ATRNL1: variants seen among roughly 807,000 people sequenced by gnomAD.
ATRNL1 encodes attractin like 1.
A neutral mutation model predicts 182.7 loss-of-function variants in ATRNL1; 95 were observed. That is an observed-to-expected ratio of 0.52 (90% CI 0.44 to 0.62). ATRNL1 has a LOEUF of 0.62. ATRNL1 is among the 20% of genes least tolerant of loss of function. The pLI is 0.00. For synonymous variants in ATRNL1, 576 were observed against 568.3 expected, an observed-to-expected ratio of 1.01 and a Z score of -0.19; for missense variants, 1,471 against 1,679.5, an observed-to-expected ratio of 0.88 and a Z score of 2.17.
At chr10:115,544,504 T>A (rs985839140) in intron 25 of ATRNL1, among the ~76,000 whole-genome samples, 22 of 152,246 alleles carry the variant, frequency 1.4e-4, no homozygotes, top group African/African-American at 5.3e-4. Context: ...GGGGCAGGCT[T>A]GTCACATGGC....
intron 14 of ATRNL1, among the ~76,000 whole-genome samples, chr10:115,283,464 A>G (rs1192863834): frequency 6.6e-6 from 1 of 152,136 alleles, no homozygotes; most frequent in Non-Finnish European, 1.5e-5. Flanking sequence ...AATGTCATTC[A>G]TACTTTGAAT....
At chr10:115,515,890 T>C (rs528544828) in intron 24 of ATRNL1, among the ~76,000 whole-genome samples, 23 of 152,040 alleles carry the variant, frequency 1.5e-4, no homozygotes, top group African/African-American at 5.3e-4. Context: ...TTCTGTTCTT[T>C]GATCATCTTG....
chr10:115,401,031 T>C (rs1844540030), intron 20 of ATRNL1, among the ~76,000 whole-genome samples: 1 of 152,052 alleles, frequency 6.6e-6, no homozygotes, highest in Admixed American at 6.6e-5. Context: ...TAACTAAATG[T>C]ATTTTGGTTG....
chr10:115,403,257 C>T (rs370605571), intron 20 of ATRNL1, among the ~76,000 whole-genome samples: 36 of 107,414 alleles, frequency 3.4e-4, no homozygotes, highest in African/African-American at 9.3e-4. Context: ...TTACTCTCAT[C>T]TTTTTTTTTT....
intron 21 of ATRNL1, among the ~76,000 whole-genome samples, chr10:115,432,394 A>C (rs549430820): frequency 6.6e-6 from 1 of 152,146 alleles, no homozygotes; most frequent in East Asian, 1.9e-4. Context: ...ATGGTAAAGC[A>C]CTAGGTGGCA....
At chr10:115,418,103 G>C (rs1554961222) in intron 20 of ATRNL1, among the ~76,000 whole-genome samples, 1 of 152,174 alleles carries the variant, frequency 6.6e-6, no homozygotes, top group African/African-American at 2.4e-5. Flanking sequence ...AGGTGATGGA[G>C]ACATGTGGTC....
In ATRNL1 at chr10:115,583,358, G is replaced by A. The variant is rs1442220301; in HGVS notation, c.3795+33822G>A. On this transcript the variant is annotated intron_variant, in intron 26 of 28. Transcript: ENST00000355044. The stretch of plus-strand genomic sequence containing the variant: ...CCTTGGGCAGTATGGCCATTTTCAC[G>A]ATATTGATTCTTCCTACCCATGAGC... Among the ~76,000 whole-genome samples the A allele has an allele frequency of 8.2e-5, 9 of 109,270 alleles. 3 individuals are homozygous for A. The highest frequency in any genetic ancestry group is 2.5e-4 in the African/African-American group (9 of 35,736). The allele number at this position is 109,270 out of a possible 152,430, so 71.7% of individuals were successfully genotyped here.
chr10:115,161,492 G>A lies in ATRNL1; in HGVS notation c.1004+1278G>A, dbSNP rs7893988. 4.6e-3 allele frequency among the ~76,000 whole-genome samples: 696 copies of A among 151,958 alleles called. 5 individuals carry two copies. The highest frequency in any genetic ancestry group is 0.015 in the South Asian group (73 of 4,818). ...ATGAGAAGTCTATGAAAGTAGAGTCGAACTTTGAATTAAATTGTGATATTT... is the reference window on the plus strand; with the variant it reads ...ATGAGAAGTCTATGAAAGTAGAGTCAAACTTTGAATTAAATTGTGATATTT... On this transcript the variant is annotated intron_variant, in intron 6 of 28. Transcript: ENST00000355044.
At chr10:115,322,896 T>C (rs1854654590) in intron 18 of ATRNL1, among the ~76,000 whole-genome samples, 1 of 152,112 alleles carries the variant, frequency 6.6e-6, no homozygotes, top group Non-Finnish European at 1.5e-5. Flanking sequence ...ATTTTATCTC[T>C]TTCTTCTTTC....
chr10:115,446,482 C>G (rs2134465593), intron 21 of ATRNL1, among the ~76,000 whole-genome samples: 1 of 150,302 alleles, frequency 6.7e-6, no homozygotes, highest in East Asian at 1.9e-4. Flanking sequence ...ATTTTATTTT[C>G]TCTTGACATG....
At chr10:115,177,924 G>GTTTTTTTTTTTTTTT (rs587742941) in intron 8 of ATRNL1, among the ~76,000 whole-genome samples, 2 of 81,764 alleles carry the variant, frequency 2.4e-5, no homozygotes, top group Non-Finnish European at 4.5e-5. Flanking sequence ...TTTTTTTTTT[G>GTTTTTTTTTTTTTTT]TTTTTTTTTT....
intron 7 of ATRNL1, among the ~76,000 whole-genome samples, chr10:115,167,494 A>T (rs1481865225): frequency 1.3e-5 from 2 of 151,984 alleles, no homozygotes; most frequent in African/African-American, 4.8e-5. Flanking sequence ...TATTTGTGGG[A>T]TTCATAAATT....
At chr10:115,869,490 G>A (rs1226606954) in intron 28 of ATRNL1, among the ~76,000 whole-genome samples, 1 of 152,094 alleles carries the variant, frequency 6.6e-6, no homozygotes, top group Admixed American at 6.5e-5. Context: ...AGGGGAGGTG[G>A]AAGAGGGGCC....
rs1555014425 is a variant in ATRNL1, at chr10:115,597,573, T to G, written c.3795+48037T>G. 2.4e-5 allele frequency: 7 copies of G among 292,572 alleles called. No individual in the cohort carries two copies. The East Asian group carries it at 7.0e-4, about 29-fold the overall frequency. 18.1% of individuals were successfully genotyped at this position (292,572 alleles called of 1,614,324 possible). ...AAACAATTCATTTATGGGAGCTTTTTTTTTTTTTTTTTTTTGGAGACAGAG... is the reference window on the plus strand; with the variant it reads ...AAACAATTCATTTATGGGAGCTTTTGTTTTTTTTTTTTTTTGGAGACAGAG... On this transcript the variant is annotated intron_variant, in intron 26 of 28. Coordinates refer to ENST00000355044, the MANE Select transcript of ATRNL1 (RefSeq NM_207303.4).
rs142406851 is a variant in ATRNL1, at chr10:115,093,710, G to C, written c.-41G>C. On this transcript the variant is annotated 5_prime_UTR_variant, in exon 1 of 29. Coordinates refer to ENST00000355044, the MANE Select transcript of ATRNL1 (RefSeq NM_207303.4). This position sits in a 1 kb window ranked among gnomAD's most constrained non-coding sequence, Gnocchi z 6.1. ...TCCCTTCAACAGCATCCCTGTCGGCGCCCGCGAGCGCAGTCTCGCCGGGCA... is the reference window on the plus strand; with the variant it reads ...TCCCTTCAACAGCATCCCTGTCGGCCCCCGCGAGCGCAGTCTCGCCGGGCA... 44,394 of 1,416,956 alleles carry C rather than the reference G, an allele frequency of 0.031. 828 individuals are homozygous for C. The highest frequency in any genetic ancestry group is 0.035 in the Non-Finnish European group (38,501 of 1,090,100). The allele number at this position is 1,416,956 out of a possible 1,614,324, so 87.8% of individuals were successfully genotyped here.
chr10:115,215,642 A>T, intron 8 of ATRNL1, 55 bp from the exon 9 acceptor site: 1 of 1,317,884 alleles, frequency 7.6e-7, no homozygotes, highest in Non-Finnish European at 1.0e-6. Flanking sequence ...GTGATATATT[A>T]GTTATATTTA....
intron 27 of ATRNL1, among the ~76,000 whole-genome samples, chr10:115,770,851 C>T (rs1429843800): frequency 4.6e-5 from 7 of 152,252 alleles, no homozygotes; most frequent in Non-Finnish European, 2.9e-5. Flanking sequence ...TAGATTTTCT[C>T]ATTATACCTA....
intron 28 of ATRNL1, among the ~76,000 whole-genome samples, chr10:115,856,349 AC>A (rs1269460406): frequency 6.8e-6 from 1 of 146,174 alleles, no homozygotes; most frequent in African/African-American, 2.5e-5. Flanking sequence ...AAACGCTTGA[AC>A]CCAGCAGGCA....
At chr10:115,154,379 T>G (rs1380477455) in intron 5 of ATRNL1, among the ~76,000 whole-genome samples, 1 of 152,198 alleles carries the variant, frequency 6.6e-6, no homozygotes, top group Admixed American at 6.5e-5. Flanking sequence ...ACATGCTTTA[T>G]GAATCTGGGT....
Sources: gnomAD v4.1 joint callset for allele counts (sites outside exome capture counted in the v4.1 genomes callset) on GRCh38, gnomAD v4.1.1 for gene constraint, Gnocchi (gnomAD v3.1) non-coding constraint, MANE v1.5 for transcripts, NCBI Gene and HGNC (gene_info 2026-07-23, HGNC 2026-07-21) for gene names.